CDH4: variants seen among roughly 807,000 people sequenced by gnomAD.
CDH4 encodes the protein cadherin-4.
Under a neutral mutation model 86.0 loss-of-function variants are expected in CDH4, and 33 were observed. The observed-to-expected ratio is 0.38, with a 90% confidence interval of 0.29 to 0.51. The LOEUF (loss-of-function observed/expected upper bound fraction) is 0.51, where lower values mean the gene tolerates loss of function less well. CDH4 is among the 20% of genes least tolerant of loss of function. CDH4 has a pLI of 0.86. For synonymous variants in CDH4, 555 were observed against 549.4 expected (o/e 1.01, Z -0.14); for missense variants, 1,114 against 1,307.4 (o/e 0.85, Z 2.28).
At chr20:61,337,944 G>C (rs6028125) in intron 2 of CDH4, among the ~76,000 whole-genome samples, 49,980 of 151,800 alleles carry the variant, frequency 0.33, 8,701 homozygotes, top group Middle Eastern at 0.52. Flanking sequence ...AATTAGTTTG[G>C]TTATTTCACA....
At chr20:61,523,737 C>T (rs2145630936) in intron 2 of CDH4, among the ~76,000 whole-genome samples, 1 of 152,346 alleles carries the variant, frequency 6.6e-6, no homozygotes, top group Admixed American at 6.5e-5. Flanking sequence ...CCGTCTGCGT[C>T]CCCGACCATC....
chr20:61,427,648 C>T (rs1312445321), intron 2 of CDH4, among the ~76,000 whole-genome samples: 1 of 152,034 alleles, frequency 6.6e-6, no homozygotes. Flanking sequence ...CTTGGAACTT[C>T]TGGGGTGTGC....
Position 61,544,789 on chromosome 20 carries a change from G to A in CDH4, c.170-198774G>A, listed in dbSNP as rs535882832. Among the ~76,000 whole-genome samples, 16 of 152,182 alleles carry A rather than the reference G, an allele frequency of 1.1e-4. No homozygotes were observed. The highest frequency in any genetic ancestry group is 2.6e-4 in the African/African-American group (11 of 41,540). On this transcript the variant is annotated intron_variant, in intron 2 of 15. Transcript: ENST00000614565. This position sits in a 1 kb window ranked among gnomAD's most constrained non-coding sequence, Gnocchi z 6.5. ...CATGGACTGGAAGCCTGACTCCCCCGACAGCCCTCCCTGCCCCCGAGGAAG... is the reference window on the plus strand; with the variant it reads ...CATGGACTGGAAGCCTGACTCCCCCAACAGCCCTCCCTGCCCCCGAGGAAG...
At chr20:61,608,363 C>A (rs2145755708) in intron 2 of CDH4, among the ~76,000 whole-genome samples, 1 of 152,290 alleles carries the variant, frequency 6.6e-6, no homozygotes. Flanking sequence ...ATTCTGAGAA[C>A]AAAGAGAAGA....
At chr20:61,503,038 A>C (rs1402769428) in intron 2 of CDH4, among the ~76,000 whole-genome samples, 1 of 152,152 alleles carries the variant, frequency 6.6e-6, no homozygotes, top group Non-Finnish European at 1.5e-5. Context: ...GAGAACCTAG[A>C]ATACCTAAAA....
chr20:61,677,248 C>T (rs1192364831), intron 2 of CDH4, among the ~76,000 whole-genome samples: 1 of 152,176 alleles, frequency 6.6e-6, no homozygotes, highest in Non-Finnish European at 1.5e-5. Flanking sequence ...GGGCAGACTC[C>T]TGGTTCAGAT....
At chr20:61,713,391 C>T (rs2087914407) in intron 2 of CDH4, among the ~76,000 whole-genome samples, 1 of 152,198 alleles carries the variant, frequency 6.6e-6, no homozygotes, top group Non-Finnish European at 1.5e-5. Context: ...CAAAGATGCA[C>T]AGAAATGGGT....
At chr20:61,594,490 A>G (rs1262240884) in intron 2 of CDH4, among the ~76,000 whole-genome samples, 1 of 152,182 alleles carries the variant, frequency 6.6e-6, no homozygotes, top group East Asian at 1.9e-4. Context: ...CTCAACGTCA[A>G]CAGCAGCCGG....
intron 7 of CDH4, among the ~76,000 whole-genome samples, chr20:61,891,200 G>A (rs1362234571): frequency 6.6e-6 from 1 of 152,192 alleles, no homozygotes; most frequent in Non-Finnish European, 1.5e-5. Context: ...AACAGTGGGA[G>A]AGAAATAATG....
At chr20:61,361,562 G>A (rs958247410) in intron 2 of CDH4, among the ~76,000 whole-genome samples, 14 of 152,132 alleles carry the variant, frequency 9.2e-5, no homozygotes, top group South Asian at 2.1e-4. Context: ...CTTTGGTTCC[G>A]AAAAGGAAGA....
In CDH4 at chr20:61,873,892, G is replaced by A. The variant is rs1423085482; in HGVS notation, c.1042G>A (p.Asp348Asn). ...GDIVTVAAGLDREKVQQYTVI... is the reference protein window; with the variant it reads ...GDIVTVAAGLNREKVQQYTVI... ...TATCGTCACAGTGGCGGCTGGCCTG[G>A]ACCGAGAGGTGAGGCGGGGTGGGGT... is the stretch of plus-strand genomic sequence containing the variant. Residue 348 changes from aspartate (D) to asparagine (N), a missense_variant, in exon 7 of 16, where the codon GAC (aspartate) becomes AAC (asparagine). Coordinates refer to ENST00000614565, the MANE Select transcript of CDH4 (RefSeq NM_001794.5). The A allele has an allele frequency of 6.2e-7, 1 of 1,613,616 alleles. No homozygotes were observed. Among genetic ancestry groups the A allele is most frequent in the Non-Finnish European group, 8.5e-7 (1 of 1,179,956 alleles).
chr20:61,268,615 G>A (rs1468137507), intron 2 of CDH4, among the ~76,000 whole-genome samples: 1 of 152,150 alleles, frequency 6.6e-6, no homozygotes. Flanking sequence ...GTTTGGTGCT[G>A]CCCTTGTGGT....
At chr20:61,535,798 GGA>G (rs2085992634) in intron 2 of CDH4, among the ~76,000 whole-genome samples, 1 of 152,092 alleles carries the variant, frequency 6.6e-6, no homozygotes, top group Non-Finnish European at 1.5e-5. Context: ...GCCGCCATGG[GGA>G]GAGTGTGGGG....
chr20:61,700,058 G>A lies in CDH4; in HGVS notation c.170-43505G>A, dbSNP rs540180125. Among the ~76,000 whole-genome samples, 12 of 152,268 alleles carry A rather than the reference G, an allele frequency of 7.9e-5. No homozygotes were observed. In the East Asian group the frequency reaches 1.7e-3, roughly 22 times the overall value. On this transcript the variant is annotated intron_variant, in intron 2 of 15. Coordinates refer to ENST00000614565, the MANE Select transcript of CDH4 (RefSeq NM_001794.5). ...CGTGCACTCGGAACACCCCACCCCC[G>A]GGGACAAGGAAGGGGGCCTCTGGTC...
chr20:61,303,118 C>T (rs1285404572), intron 2 of CDH4, among the ~76,000 whole-genome samples: 2 of 152,194 alleles, frequency 1.3e-5, no homozygotes, highest in Admixed American at 6.5e-5. Context: ...TTTGTGGTGA[C>T]GTTACGGCCA....
chr20:61,513,820 G>T (rs1038195343), intron 2 of CDH4, among the ~76,000 whole-genome samples: 5 of 152,158 alleles, frequency 3.3e-5, no homozygotes, highest in Non-Finnish European at 7.3e-5. Flanking sequence ...GGCACCACGG[G>T]CCTGGCATCT....
intron 2 of CDH4, chr20:61,370,231 G>GTTCT (rs1055974498): frequency 6.5e-5 from 10 of 152,898 alleles, no homozygotes; most frequent in African/African-American, 2.2e-4. Context: ...GGAGGGCCCT[G>GTTCT]TTCTTTCACA....
chr20:61,313,442 A>G (rs1388689616), intron 2 of CDH4, among the ~76,000 whole-genome samples: 1 of 152,154 alleles, frequency 6.6e-6, no homozygotes, highest in African/African-American at 2.4e-5. Context: ...TTAGTTCACC[A>G]TTGAGTCGCC....
At chr20:61,546,101 G>GATACA (rs1568886666) in intron 2 of CDH4, among the ~76,000 whole-genome samples, 63 of 1,798 alleles carry the variant, frequency 0.035, no homozygotes, top group Middle Eastern at 0.25. Context: ...TGTGTGGAGG[G>GATACA]GTGTGTGTGC....
Sources: gnomAD v4.1 joint callset for allele counts (sites outside exome capture counted in the v4.1 genomes callset) on GRCh38, gnomAD v4.1.1 for gene constraint, Gnocchi (gnomAD v3.1) non-coding constraint, MANE v1.5 for transcripts, NCBI Gene and HGNC (gene_info 2026-07-23, HGNC 2026-07-21) for gene names.